BLTP1: variants seen among roughly 807,000 people sequenced by gnomAD.
BLTP1 encodes fragile site-associated protein.
chr4:122,350,771 A>G, the BLTP1 span, among the ~76,000 whole-genome samples: 1 of 152,178 alleles, frequency 6.6e-6, no homozygotes, highest in Non-Finnish European at 1.5e-5. Context: ...AGTTCCAGGC[A>G]TCGGGGGATA....
At chr4:122,275,015 G>T in the BLTP1 span, among the ~76,000 whole-genome samples, 1 of 152,176 alleles carries the variant, frequency 6.6e-6, no homozygotes, top group South Asian at 2.1e-4. Flanking sequence ...AGACTTCCTG[G>T]AGACTGTCTG....
At chr4:122,316,158 G>A in the BLTP1 span, among the ~76,000 whole-genome samples, 1 of 152,006 alleles carries the variant, frequency 6.6e-6, no homozygotes, top group African/African-American at 2.4e-5. Context: ...TTAAAAATAC[G>A]TATTTTCATC....
the BLTP1 span, chr4:122,282,044 A>G: frequency 1.0e-6 from 1 of 979,480 alleles, no homozygotes; most frequent in Non-Finnish European, 1.2e-6. Context: ...AGTTGAAGAA[A>G]TTAACCCATT....
At chr4:122,302,841 G>C in the BLTP1 span, among the ~76,000 whole-genome samples, 7 of 152,178 alleles carry the variant, frequency 4.6e-5, no homozygotes. Context: ...GCCTAATCCA[G>C]AGCAATGCCC....
At chr4:122,292,934 G>A in the BLTP1 span, 1 of 337,332 alleles carries the variant, frequency 3.0e-6, no homozygotes, top group Non-Finnish European at 4.2e-6. Flanking sequence ...GAGCCTCAAG[G>A]AACTGATACC....
the BLTP1 span, chr4:122,219,373 G>A: frequency 1.2e-5 from 19 of 1,613,828 alleles, no homozygotes; most frequent in Non-Finnish European, 1.6e-5. Context: ...CATGTATATG[G>A]ATTTTGAAGA....
At chr4:122,327,773 T>C in the BLTP1 span, 870 of 156,716 alleles carry the variant, frequency 5.6e-3, 2 homozygotes, top group Non-Finnish European at 9.2e-3. Flanking sequence ...CTAATTGCTC[T>C]TGCCATTCTG....
At chr4:122,324,335 C>T in the BLTP1 span, 6 of 1,305,198 alleles carry the variant, frequency 4.6e-6, no homozygotes, top group Admixed American at 2.6e-5. Context: ...GGGAAAACAA[C>T]TTATTTAATA....
the BLTP1 span, chr4:122,353,954 C>T: frequency 2.5e-6 from 4 of 1,613,420 alleles, no homozygotes; most frequent in Non-Finnish European, 2.5e-6. The surrounding 1 kb of genome is among the most constrained non-coding windows in gnomAD (Gnocchi z 4.3). Flanking sequence ...CCATGAAAAT[C>T]CACCCCATGG....
At chr4:122,327,679 G>T in the BLTP1 span, among the ~76,000 whole-genome samples, 1 of 150,280 alleles carries the variant, frequency 6.7e-6, no homozygotes, top group African/African-American at 2.5e-5. Flanking sequence ...GCATCTACTA[G>T]CATTTAAAAG....
At chr4:122,346,597 A>G in the BLTP1 span, 5 of 1,606,916 alleles carry the variant, frequency 3.1e-6, no homozygotes, top group Non-Finnish European at 4.3e-6. Context: ...AGAAATCTGT[A>G]CTAACAAATG....
At chr4:122,160,949 G>C in the BLTP1 span, 1 of 160,020 alleles carries the variant, frequency 6.2e-6, no homozygotes, top group South Asian at 2.0e-4. Context: ...CGTTTGGTCT[G>C]CAACATTTAA....
At chr4:122,321,595 A>C in the BLTP1 span, among the ~76,000 whole-genome samples, 1 of 152,076 alleles carries the variant, frequency 6.6e-6, no homozygotes, top group Non-Finnish European at 1.5e-5. Flanking sequence ...CATTATTGGT[A>C]TTATTTTGAA....
chr4:122,333,940 A>G, the BLTP1 span: 1 of 1,129,970 alleles, frequency 8.8e-7, no homozygotes, highest in Non-Finnish European at 1.2e-6. Flanking sequence ...ATATAGCCAT[A>G]TTCTGGACAG....
At chr4:122,270,414 T>G in the BLTP1 span, 1 of 888,682 alleles carries the variant, frequency 1.1e-6, no homozygotes, top group Non-Finnish European at 1.3e-6. Context: ...AAATTTGAGA[T>G]ATTTTTGACT....
chr4:122,272,484 T>A, the BLTP1 span: 1 of 1,231,912 alleles, frequency 8.1e-7, no homozygotes, highest in Non-Finnish European at 1.1e-6. Context: ...CACTGCCATG[T>A]CTCCAAAATT....
the BLTP1 span, chr4:122,350,505 G>GATTCTGTCCACCACTA: frequency 4.1e-6 from 2 of 493,666 alleles, no homozygotes; most frequent in Non-Finnish European, 5.3e-6. Flanking sequence ...GAGATCTAGT[G>GATTCTGTCCACCACTA]GTGGACAGAA....
At chr4:122,330,487 GA>G in the BLTP1 span, among the ~76,000 whole-genome samples, 2 of 151,838 alleles carry the variant, frequency 1.3e-5, no homozygotes, top group African/African-American at 4.8e-5. Context: ...TGGTAATATT[GA>G]ACACCTTTTC....
At chr4:122,255,942 C>A in the BLTP1 span, 1 of 425,864 alleles carries the variant, frequency 2.3e-6, no homozygotes, top group Non-Finnish European at 3.1e-6. Context: ...AGTTTTTAAG[C>A]AAGAGAATAA....
Sources: gnomAD v4.1 joint callset for allele counts (sites outside exome capture counted in the v4.1 genomes callset) on GRCh38, gnomAD v4.1.1 for gene constraint, Gnocchi (gnomAD v3.1) non-coding constraint, MANE v1.5 for transcripts, NCBI Gene and HGNC (gene_info 2026-07-23, HGNC 2026-07-21) for gene names.